CACHD1: variants seen among roughly 807,000 people sequenced by gnomAD.
CACHD1 encodes VWFA and cache domain-containing protein 1.
Under a neutral mutation model 138.7 loss-of-function variants are expected in CACHD1, and 71 were observed. The observed-to-expected ratio is 0.51, with a 90% CI of 0.42 to 0.62. CACHD1 has a LOEUF of 0.62. Among genes scored for constraint, CACHD1 ranks in the 20% least tolerant of loss-of-function variants. CACHD1 has a pLI of 0.00. For missense variants in CACHD1, 1,389 were observed against 1,625.3 expected, an observed-to-expected ratio of 0.85 and a Z score of 2.50; for synonymous variants, 578 against 591.5, an observed-to-expected ratio of 0.98 and a Z score of 0.33.
chr1:64,529,131 T>A (rs1646562581), intron 1 of CACHD1, among the ~76,000 whole-genome samples: 1 of 152,180 alleles, frequency 6.6e-6, no homozygotes, highest in Non-Finnish European at 1.5e-5. Context: ...AAAATGTTTT[T>A]AATTAAATTC....
chr1:64,586,214 C>G (rs1557506475), intron 3 of CACHD1, among the ~76,000 whole-genome samples: 1 of 152,174 alleles, frequency 6.6e-6, no homozygotes, highest in Non-Finnish European at 1.5e-5. Flanking sequence ...CAGGGGCGTG[C>G]CACCACGCCC....
intron 1 of CACHD1, among the ~76,000 whole-genome samples, chr1:64,502,540 G>A (rs1262252883): frequency 6.6e-6 from 1 of 152,106 alleles, no homozygotes; most frequent in African/African-American, 2.4e-5. Context: ...GTGTGTATGT[G>A]TATGTGCATG....
chr1:64,623,640 T>G (rs1042876070), intron 4 of CACHD1, among the ~76,000 whole-genome samples: 11 of 152,096 alleles, frequency 7.2e-5, no homozygotes, highest in Non-Finnish European at 1.5e-4. Flanking sequence ...AACGTACCTA[T>G]AACACCGATA....
At position 64,565,541 on chromosome 1, in the gene CACHD1, G is replaced by A. The variant is rs561401686; in HGVS notation, c.261+14885G>A. Among the ~76,000 whole-genome samples the A allele has an allele frequency of 2.6e-5, 4 of 152,178 alleles. 1 individual carries two copies. The highest frequency in any genetic ancestry group is 9.6e-5 in the African/African-American group (4 of 41,532). The stretch of plus-strand genomic sequence containing the variant: ...GTCCGTCTTAGCTCTTACTGTTGTT[G>A]GTCTGACTCTACAGAAAAGAAGCTA... On this transcript the variant is annotated intron_variant, in intron 2 of 26. Transcript: ENST00000651257.
At chr1:64,610,830 C>T (rs969614871) in intron 4 of CACHD1, among the ~76,000 whole-genome samples, 1 of 152,212 alleles carries the variant, frequency 6.6e-6, no homozygotes, top group Non-Finnish European at 1.5e-5. Context: ...GTGGGGGCTC[C>T]AACCCCACAT....
At chr1:64,640,439 G>A (rs1648668064) in intron 7 of CACHD1, among the ~76,000 whole-genome samples, 2 of 152,176 alleles carry the variant, frequency 1.3e-5, no homozygotes, top group Non-Finnish European at 2.9e-5. Context: ...ATTTTGGGAG[G>A]CCAAGGCGGG....
At chr1:64,540,036 C>G (rs1646665190) in intron 1 of CACHD1, among the ~76,000 whole-genome samples, 1 of 152,134 alleles carries the variant, frequency 6.6e-6, no homozygotes, top group African/African-American at 2.4e-5. Flanking sequence ...TAGCTTCTGA[C>G]TCCTTTAGAA....
intron 2 of CACHD1, among the ~76,000 whole-genome samples, chr1:64,562,779 CGTATT>C (rs1196011620): frequency 1.3e-5 from 2 of 152,034 alleles, no homozygotes; most frequent in Non-Finnish European, 2.9e-5. Context: ...TTTATTCAAG[CGTATT>C]ATCTTTGCAT....
At chr1:64,627,719 C>T (rs763270607) in intron 4 of CACHD1, among the ~76,000 whole-genome samples, 2 of 151,982 alleles carry the variant, frequency 1.3e-5, no homozygotes, top group South Asian at 2.1e-4. Context: ...TATTTGAGGC[C>T]GAGGGATTTA....
chr1:64,658,263 A>G (rs1404156518), intron 12 of CACHD1, among the ~76,000 whole-genome samples: 3 of 152,244 alleles, frequency 2.0e-5, no homozygotes, highest in Non-Finnish European at 2.9e-5. Flanking sequence ...TTAAAGTGAG[A>G]ATTCACTACT....
chr1:64,654,138 T>G (rs1018302259), intron 11 of CACHD1, among the ~76,000 whole-genome samples: 2 of 152,200 alleles, frequency 1.3e-5, no homozygotes, highest in Non-Finnish European at 2.9e-5. Context: ...TGACTTTCAT[T>G]GTAAAATCAG....
At chr1:64,478,645 C>T (rs543729793) in intron 1 of CACHD1, among the ~76,000 whole-genome samples, 1 of 152,288 alleles carries the variant, frequency 6.6e-6, no homozygotes, top group African/African-American at 2.4e-5. Context: ...AGAGGCTAAA[C>T]CAACTTGGAT....
At chr1:64,500,571 G>A (rs1374207729) in intron 1 of CACHD1, among the ~76,000 whole-genome samples, 6 of 151,982 alleles carry the variant, frequency 3.9e-5, no homozygotes, top group East Asian at 1.9e-4. Flanking sequence ...AACCTACTGC[G>A]GCCGGGCTCA....
At chr1:64,569,568 G>T (rs1646910121) in intron 2 of CACHD1, among the ~76,000 whole-genome samples, 1 of 147,128 alleles carries the variant, frequency 6.8e-6, no homozygotes. Context: ...GAGGAGCAGC[G>T]GGGGCCTTGC....
At chr1:64,629,637 G>A (rs904823363) in intron 5 of CACHD1, among the ~76,000 whole-genome samples, 156 bp downstream of exon 5, 1 of 151,840 alleles carries the variant, frequency 6.6e-6, no homozygotes, top group Admixed American at 6.6e-5. Context: ...AGTATATGTG[G>A]ATGTGAAATT....
intron 4 of CACHD1, among the ~76,000 whole-genome samples, chr1:64,617,288 T>A (rs1647748455): frequency 6.6e-6 from 1 of 152,106 alleles, no homozygotes; most frequent in Non-Finnish European, 1.5e-5. Context: ...TAAATTTTTG[T>A]TAATTTTCTG....
chr1:64,642,017 G>A lies in CACHD1; in HGVS notation c.1156+48G>A. 1.4e-6 allele frequency: 2 copies of A among 1,423,716 alleles called. 1 individual carries two copies. Among genetic ancestry groups the A allele is most frequent in the South Asian group, 3.2e-5 (2 of 63,408 alleles). The allele number at this position is 1,423,716 out of a possible 1,614,324, so 88.2% of individuals were successfully genotyped here. A position where few individuals can be genotyped will look rare whatever the true frequency, so the allele number is the denominator to read the frequency against. On this transcript the variant is annotated intron_variant, in intron 8 of 26. Coordinates refer to ENST00000651257, the MANE Select transcript of CACHD1 (RefSeq NM_020925.4). ...CCTTTCAGATCAAAGATCCCTCTAA[G>A]TGTATGCTGCTTTAAAAAGAAGAAA...
chr1:64,506,256 G>C (rs1313660003), intron 1 of CACHD1: 1 of 152,180 alleles, frequency 6.6e-6, no homozygotes, highest in Non-Finnish European at 1.5e-5. Context: ...GTTTTGCTGG[G>C]CTCCAGAAAT....
intron 1 of CACHD1, among the ~76,000 whole-genome samples, chr1:64,542,463 A>G (rs963820335): frequency 6.6e-6 from 1 of 152,204 alleles, no homozygotes; most frequent in Admixed American, 6.5e-5. Context: ...AGCATCAAAC[A>G]TAAGCCTCTG....
Sources: gnomAD v4.1 joint callset for allele counts (sites outside exome capture counted in the v4.1 genomes callset) on GRCh38, gnomAD v4.1.1 for gene constraint, MANE v1.5 for transcripts, NCBI Gene and HGNC (gene_info 2026-07-23, HGNC 2026-07-21) for gene names.